Variants in TRPM3 observed in about 807,000 individuals in gnomAD.
TRPM3 encodes the protein transient receptor potential cation channel subfamily M member 3, also known as long transient receptor potential channel 3.
Under a neutral mutation model 181.2 loss-of-function variants are expected in TRPM3, and 77 were observed. The ratio of observed to expected loss-of-function variants is 0.42; its 90% CI spans 0.35 to 0.51. The LOEUF (loss-of-function observed/expected upper bound fraction) is 0.51, where lower values mean the gene tolerates loss of function less well. Ranked by LOEUF, TRPM3 falls within the 20% of genes least tolerant of loss-of-function variation. The pLI is 0.01. For synonymous variants in TRPM3, 745 were observed against 796.4 expected (o/e 0.94, Z 1.09); for missense variants, 1,759 against 2,196.7 (o/e 0.80, Z 3.98).
At chr9:70,954,740 A>G (rs1374785008) in intron 1 of TRPM3, among the ~76,000 whole-genome samples, 1 of 152,166 alleles carries the variant, frequency 6.6e-6, no homozygotes, top group Non-Finnish European at 1.5e-5. Flanking sequence ...GGTTTCGAAG[A>G]GCAACACTGC....
At chr9:71,069,855 G>A (rs558716026) in intron 1 of TRPM3, among the ~76,000 whole-genome samples, 28 of 151,976 alleles carry the variant, frequency 1.8e-4, no homozygotes, top group Admixed American at 1.2e-3. Context: ...TGCTCCACCC[G>A]CCTCGGCCTC....
chr9:71,348,253 T>C (rs945349255), intron 1 of TRPM3, among the ~76,000 whole-genome samples: 2 of 152,146 alleles, frequency 1.3e-5, no homozygotes, highest in Non-Finnish European at 2.9e-5. Flanking sequence ...TTGTGGCTTG[T>C]CTATGAATCA....
At chr9:70,904,988 G>A (rs2096441621) in intron 1 of TRPM3, among the ~76,000 whole-genome samples, 1 of 152,150 alleles carries the variant, frequency 6.6e-6, no homozygotes, top group African/African-American at 2.4e-5. Flanking sequence ...AAGTAGGTAA[G>A]CAAAATCTCA....
At chr9:71,016,369 C>T (rs1366664191) in intron 1 of TRPM3, among the ~76,000 whole-genome samples, 1 of 151,940 alleles carries the variant, frequency 6.6e-6, no homozygotes, top group Non-Finnish European at 1.5e-5. Context: ...AAATCCATCT[C>T]CAGAACTTTT....
intron 1 of TRPM3, among the ~76,000 whole-genome samples, chr9:71,119,540 TA>T (rs61066146): frequency 0.023 from 3,466 of 151,622 alleles, 108 homozygotes; most frequent in East Asian, 0.078. Context: ...ATTCTCCATT[TA>T]AAAAAAAACT....
At chr9:70,849,441 G>A (rs7028011) in intron 3 of TRPM3, among the ~76,000 whole-genome samples, 55,694 of 151,990 alleles carry the variant, frequency 0.37, 10,602 homozygotes, top group Non-Finnish European at 0.38. Context: ...CACCACACCT[G>A]GCCTGAAGGA....
intron 1 of TRPM3, among the ~76,000 whole-genome samples, chr9:71,403,440 C>A (rs1408722341): frequency 6.6e-6 from 1 of 152,108 alleles, no homozygotes; most frequent in Admixed American, 6.6e-5. Context: ...GCAAGAAATG[C>A]AAAAGGAATA....
At chr9:71,168,852 G>T (rs1270513774) in intron 1 of TRPM3, among the ~76,000 whole-genome samples, 3 of 151,952 alleles carry the variant, frequency 2.0e-5, no homozygotes, top group Non-Finnish European at 4.4e-5. Flanking sequence ...TTTAAAAATT[G>T]CATTTGATAT....
At chr9:70,656,990 T>C in intron 9 of TRPM3, among the ~76,000 whole-genome samples, 1 of 151,726 alleles carries the variant, frequency 6.6e-6, no homozygotes, top group Non-Finnish European at 1.5e-5. Context: ...TCTTACATGG[T>C]AAATGTAGTC....
intron 1 of TRPM3, among the ~76,000 whole-genome samples, chr9:71,364,907 G>T (rs2092285795): frequency 6.6e-6 from 1 of 151,994 alleles, no homozygotes; most frequent in African/African-American, 2.4e-5. Flanking sequence ...ATTTGCATGG[G>T]GTAAGGAATC....
At chr9:70,653,677 C>CAAAAAA (rs71507003) in intron 9 of TRPM3, among the ~76,000 whole-genome samples, 4 of 103,120 alleles carry the variant, frequency 3.9e-5, no homozygotes, top group Non-Finnish European at 6.4e-5. Context: ...CTTCCTGTCT[C>CAAAAAA]AAAAAAAAAA....
intron 22 of TRPM3, among the ~76,000 whole-genome samples, chr9:70,587,005 T>A (rs2057254185): frequency 1.3e-5 from 2 of 152,264 alleles, no homozygotes; most frequent in African/African-American, 4.8e-5. Context: ...GCAAGGATTT[T>A]TTTTTTTTAT....
At chr9:70,809,416 A>G (rs2091420843) in intron 6 of TRPM3, among the ~76,000 whole-genome samples, 1 of 152,228 alleles carries the variant, frequency 6.6e-6, no homozygotes, top group Non-Finnish European at 1.5e-5. Context: ...AGCACCATTC[A>G]TGGTAAGTGC....
chr9:71,420,737 AAGAGAG>A (rs1428301769), intron 1 of TRPM3, among the ~76,000 whole-genome samples: 36 of 49,378 alleles, frequency 7.3e-4, no homozygotes, highest in Non-Finnish European at 1.4e-3. Flanking sequence ...GAGAGAGAGA[AAGAGAG>A]AGAAAGAGAG....
At chr9:70,933,932 G>A (rs1204833324) in intron 1 of TRPM3, among the ~76,000 whole-genome samples, 3 of 152,096 alleles carry the variant, frequency 2.0e-5, no homozygotes, top group Admixed American at 1.3e-4. Flanking sequence ...GGAAAAGGTA[G>A]GAGCAAAGGA....
At chr9:70,890,527 T>C (rs941278928) in intron 1 of TRPM3, among the ~76,000 whole-genome samples, 5 of 152,064 alleles carry the variant, frequency 3.3e-5, no homozygotes, top group African/African-American at 1.2e-4. Flanking sequence ...AGAATAACGC[T>C]GTAGAATTTT....
In TRPM3 at chr9:71,068,714, A is replaced by G. The variant is rs78930640; in HGVS notation, c.177+52464T>C. 4.9e-3 allele frequency among the ~76,000 whole-genome samples: 748 copies of G among 152,320 alleles called. 17 individuals are homozygous for G. In the East Asian group the frequency reaches 0.077, roughly 16 times the overall value. ...TGTTCTGGTGACTGACTCCAAGCAT[A>G]CTAGTGAGAATTTATGAATGTGGAG... On this transcript the variant is annotated intron_variant, in intron 1 of 25. Transcript: ENST00000677713.
upstream of TRPM3, among the ~76,000 whole-genome samples, chr9:71,123,812 T>G (rs961091132): frequency 1.3e-5 from 2 of 152,084 alleles, no homozygotes; most frequent in Admixed American, 6.5e-5. Context: ...CGCCCTTAAG[T>G]GGTTCTGTTG....
At chr9:71,325,054 C>T (rs891709910) in intron 1 of TRPM3, among the ~76,000 whole-genome samples, 4 of 151,902 alleles carry the variant, frequency 2.6e-5, no homozygotes, top group African/African-American at 9.7e-5. Context: ...CTATACTTAA[C>T]AAAAATCTAT....
Sources: allele counts gnomAD v4.1 joint callset (sites outside exome capture counted in the v4.1 genomes callset), GRCh38; gene constraint gnomAD v4.1.1; transcripts MANE v1.5; gene names NCBI Gene and HGNC (gene_info 2026-07-23, HGNC 2026-07-21).